PVR: variants seen among roughly 807,000 people sequenced by gnomAD.
PVR encodes the protein PVR cell adhesion molecule.
In PVR, 39 loss-of-function variants were observed where a neutral mutation model predicts 43.3. That is an observed-to-expected ratio of 0.90 (90% CI 0.70 to 1.18). The LOEUF is 1.18. Ranked by LOEUF, PVR falls within the 50% of genes most tolerant of loss-of-function variation. PVR has a pLI of 0.00. For missense variants in PVR, 480 were observed against 549.7 expected, an observed-to-expected ratio of 0.87 and a Z score of 1.27; for synonymous variants, 224 against 233.2, an observed-to-expected ratio of 0.96 and a Z score of 0.36.
At chr19:44,652,453 A>G (rs1204838285) in intron 3 of PVR, among the ~76,000 whole-genome samples, 1 of 152,094 alleles carries the variant, frequency 6.6e-6, no homozygotes, top group Non-Finnish European at 1.5e-5. Flanking sequence ...GCACGATCTC[A>G]ACTCACTGCA....
intron 4 of PVR, among the ~76,000 whole-genome samples, chr19:44,654,267 TGGG>T (rs199976948): frequency 2.1e-3 from 227 of 108,890 alleles, no homozygotes; most frequent in African/African-American, 0.012. Context: ...GAGGAGGGGC[TGGG>T]GGGTCTGGAC....
Position 44,644,150 on chromosome 19 carries a change from G to T in PVR, c.54G>T (p.Val18=). The T allele has an allele frequency of 6.6e-7, 1 of 1,518,164 alleles. No individual in the cohort carries two copies. The allele number at this position is 1,518,164 out of a possible 1,614,324, so 94.0% of individuals were successfully genotyped here. The stretch of plus-strand genomic sequence containing the variant: ...CGCTGCTGCTGGTGGCGCTACTGGT[G>T]CTGTCCTGGCCACCCCCAGGAACCG... The part of the protein sequence containing the change: ...AWPLLLVALL[V]LSWPPPGTGD... Residue 18 remains valine, a synonymous_variant, in exon 1 of 8, where the codon GTG becomes GTT. Coordinates refer to ENST00000425690, the MANE Select transcript of PVR (RefSeq NM_006505.5).
chr19:44,647,077 T>TTCC, intron 1 of PVR, 146 bp from the exon 2 acceptor site: 6 of 311,370 alleles, frequency 1.9e-5, no homozygotes, highest in South Asian at 1.2e-4. Flanking sequence ...GTGCCCCAGT[T>TTCC]CCCCCTCCCC....
intron 4 of PVR, among the ~76,000 whole-genome samples, chr19:44,655,252 T>G (rs895549596): frequency 6.6e-6 from 1 of 151,850 alleles, no homozygotes; most frequent in African/African-American, 2.4e-5. Flanking sequence ...ACTCAGCTAA[T>G]TTTGTTGTAT....
At chr19:44,658,485 C>A (rs1459901684) in intron 5 of PVR, among the ~76,000 whole-genome samples, 1 of 152,202 alleles carries the variant, frequency 6.6e-6, no homozygotes, top group African/African-American at 2.4e-5. Flanking sequence ...CCAGGGCTGG[C>A]TCTCATTGGC....
rs1973648776 is a variant in PVR, at chr19:44,663,971, GAC to G, written c.*2162_*2163del. ...ACGTCCCAAAATTAGAAGATAAAAA[GAC>G]ATGAGGGATCCATTCTAATTTGTGT... On this transcript the variant is annotated 3_prime_UTR_variant, in exon 8 of 8. Coordinates refer to ENST00000425690, the MANE Select transcript of PVR (RefSeq NM_006505.5). Among the ~76,000 whole-genome samples the G allele has an allele frequency of 6.6e-6, 1 of 152,010 alleles. No homozygotes were observed.
At position 44,662,793 on chromosome 19, in the gene PVR, G is replaced by A. The variant is rs1973621157; in HGVS notation, c.*982G>A. ...GGGTGTGGGCCACCAGAGAATTTTG[G>A]TAAAAATTTGGCCTCTGGCCTTGAG... On this transcript the variant is annotated 3_prime_UTR_variant, in exon 8 of 8. Coordinates refer to ENST00000425690, the MANE Select transcript of PVR (RefSeq NM_006505.5). 1 of 152,200 alleles carries A rather than the reference G, an allele frequency of 6.6e-6. No individual in the cohort carries two copies. Among genetic ancestry groups the A allele is most frequent in the Non-Finnish European group, 1.5e-5 (1 of 68,048 alleles). The allele number at this position is 152,200 out of a possible 1,614,324, so 9.4% of individuals were successfully genotyped here. A position where few individuals can be genotyped will look rare whatever the true frequency, so the allele number is the denominator to read the frequency against.
At chr19:44,657,342 TTAAC>T (rs1393615308) in intron 4 of PVR, among the ~76,000 whole-genome samples, 4 of 152,100 alleles carry the variant, frequency 2.6e-5, no homozygotes, top group African/African-American at 9.7e-5. Flanking sequence ...AGACTTCGGT[TTAAC>T]TCTGAGCCAG....
At chr19:44,660,766 C>T (rs545352471) in intron 6 of PVR, among the ~76,000 whole-genome samples, 25 of 152,178 alleles carry the variant, frequency 1.6e-4, no homozygotes, top group East Asian at 7.7e-4. Context: ...TCCAGCAATC[C>T]GCCCACCTCA....
In PVR at chr19:44,661,903, C is replaced by T. The variant is rs1056634192; in HGVS notation, c.*92C>T. 5.9e-6 allele frequency: 7 copies of T among 1,194,154 alleles called. No individual in the cohort carries two copies. In the African/African-American group the frequency reaches 9.0e-5, roughly 15 times the overall value. The allele number at this position is 1,194,154 out of a possible 1,614,324, so 74.0% of individuals were successfully genotyped here. On this transcript the variant is annotated 3_prime_UTR_variant, in exon 8 of 8. Transcript: ENST00000425690. ...CGACCCCAATGGATGAAGACCCCCT[C>T]CAAAGAGACCAGCCTCCCTCCCTGT...
At position 44,662,471 on chromosome 19, in the gene PVR, G is replaced by GT. The variant is rs1973614666; in HGVS notation, c.*661dup. ...AGGTTTCCCTGTGTTGCCCAGGCTGGTCTTGAACTCTTGGCTCCAAGTGAT... is the reference window on the plus strand; with the variant it reads ...AGGTTTCCCTGTGTTGCCCAGGCTGGTTCTTGAACTCTTGGCTCCAAGTGAT... On this transcript the variant is annotated 3_prime_UTR_variant, in exon 8 of 8. Transcript: ENST00000425690. The GT allele has an allele frequency of 2.0e-5, 3 of 152,608 alleles. No individual in the cohort carries two copies. Among genetic ancestry groups the GT allele is most frequent in the Admixed American group, 6.5e-5 (1 of 15,300 alleles). The allele number at this position is 152,608 out of a possible 1,614,324, so 9.5% of individuals were successfully genotyped here. A position where few individuals can be genotyped will look rare whatever the true frequency, so the allele number is the denominator to read the frequency against.
intron 6 of PVR, 129 bp from the exon 7 acceptor site, chr19:44,661,163 G>A (rs753953906): frequency 3.6e-6 from 3 of 824,044 alleles, no homozygotes; most frequent in East Asian, 2.5e-5. Context: ...ACCATTAAGG[G>A]AAATGGCACC....
intron 1 of PVR, among the ~76,000 whole-genome samples, chr19:44,644,623 T>C (rs1195269642): frequency 2.0e-5 from 3 of 151,942 alleles, no homozygotes; most frequent in Non-Finnish European, 2.9e-5. Flanking sequence ...ATGGTTGATG[T>C]TGGGGAGGAG....
rs548017417 is a variant in PVR at position 44,647,203 on chromosome 19, T to A, written c.80-20T>A. On this transcript the variant is annotated intron_variant, in intron 1 of 7. Transcript: ENST00000425690. ...CCAAGAACGCCCCGGGTCTGACACC[T>A]TCTCTTCGGTTCTCCGCAGGGGACG... is the stretch of plus-strand genomic sequence containing the variant. 1.5e-5 allele frequency: 22 copies of A among 1,509,006 alleles called. No individual in the cohort carries two copies. The Admixed American group carries it at 2.1e-4, about 14-fold the overall frequency. 93.5% of individuals were successfully genotyped at this position (1,509,006 alleles called of 1,614,324 possible). A position where few individuals can be genotyped will look rare whatever the true frequency, so the allele number is the denominator to read the frequency against.
At chr19:44,659,010 C>T in intron 6 of PVR, 110 bp downstream of exon 6, 1 of 1,032,170 alleles carries the variant, frequency 9.7e-7, no homozygotes, top group East Asian at 2.5e-5. Context: ...AGGTTTCCCC[C>T]ATTTGACTGA....
Position 44,658,317 on chromosome 19 carries a change from A to G in PVR, c.991+407A>G, listed in dbSNP as rs529442284. Among the ~76,000 whole-genome samples the G allele has an allele frequency of 2.0e-5, 3 of 152,318 alleles. No homozygotes were observed. In the East Asian group the frequency reaches 5.8e-4, roughly 29 times the overall value. ...CCAACCTTGTAACCCAGGAACTTTT[A>G]TTTTATACATCTCTTGTCTCTGCTT... is the stretch of plus-strand genomic sequence containing the variant. On this transcript the variant is annotated intron_variant, in intron 5 of 7. Coordinates refer to ENST00000425690, the MANE Select transcript of PVR (RefSeq NM_006505.5).
chr19:44,661,183 T>C, intron 6 of PVR, 109 bp from the exon 7 acceptor site: 2 of 1,008,310 alleles, frequency 2.0e-6, no homozygotes, highest in Non-Finnish European at 3.1e-6. Context: ...CCCCATGTAA[T>C]AGCAGAGGCA....
At position 44,662,251 on chromosome 19, in the gene PVR, T is replaced by TCGGCAGC; in HGVS notation, c.*440_*441insCGGCAGC. On this transcript the variant is annotated 3_prime_UTR_variant, in exon 8 of 8. Coordinates refer to ENST00000425690, the MANE Select transcript of PVR (RefSeq NM_006505.5). ...CAGAGCAGCTCACTCGAGATCTTTGTGTCCAGAGTTTTTTGTTTGTCTTGA... is the reference window on the plus strand; with the variant it reads ...CAGAGCAGCTCACTCGAGATCTTTGTCGGCAGCGTCCAGAGTTTTTTGTTTGTCTTGA... 5.7e-6 allele frequency: 1 copy of TCGGCAGC among 175,912 alleles called. No individual in the cohort carries two copies. Among genetic ancestry groups the TCGGCAGC allele is most frequent in the South Asian group, 1.4e-4 (1 of 7,172 alleles). The allele number at this position is 175,912 out of a possible 1,614,324, so 10.9% of individuals were successfully genotyped here.
At position 44,647,239 on chromosome 19, in the gene PVR, G is replaced by C; in HGVS notation, c.96G>C (p.Gln32His). 1.3e-6 allele frequency: 2 copies of C among 1,546,000 alleles called. No individual in the cohort carries two copies. Among genetic ancestry groups the C allele is most frequent in the African/African-American group, 2.7e-5 (2 of 73,146 alleles). ...TCTCCGCAGGGGACGTCGTCGTGCA[G>C]GCGCCCACCCAGGTGCCCGGCTTCT... ...PPPGTGDVVVQAPTQVPGFLG... is the reference protein window; with the variant it reads ...PPPGTGDVVVHAPTQVPGFLG... The change falls in exon 2 of 8, where the codon CAG becomes CAC. Residue 32 changes from glutamine (Q) to histidine (H), a missense_variant. Transcript: ENST00000425690.
Sources: gnomAD v4.1 joint callset for allele counts (sites outside exome capture counted in the v4.1 genomes callset) on GRCh38, gnomAD v4.1.1 for gene constraint, MANE v1.5 for transcripts, NCBI Gene and HGNC (gene_info 2026-07-23, HGNC 2026-07-21) for gene names.